The following SHANK2 variants were observed in gnomAD, a reference collection of about 807,000 sequenced individuals.
SHANK2 encodes the protein SH3 and multiple ankyrin repeat domains 2.
A neutral mutation model predicts 133.7 loss-of-function variants in SHANK2; 43 were observed. That is an observed-to-expected ratio of 0.32 (90% CI 0.25 to 0.41). The LOEUF (loss-of-function observed/expected upper bound fraction) is 0.41. Among genes scored for constraint, SHANK2 ranks in the 10% least tolerant of loss-of-function variants. The pLI is 1.00. For synonymous variants in SHANK2, 1,017 were observed against 952.8 expected (o/e 1.07, Z -1.24); for missense variants, 1,994 against 2,235.8 (o/e 0.89, Z 2.18).
At chr11:70,942,974 G>C in intron 10 of SHANK2, 1 of 448,882 alleles carries the variant, frequency 2.2e-6, no homozygotes, top group African/African-American at 2.0e-5. Flanking sequence ...TTAAAGTTTA[G>C]CTTGGGAGAC....
At chr11:70,857,662 G>C (rs998398680) in intron 11 of SHANK2, among the ~76,000 whole-genome samples, 1 of 152,174 alleles carries the variant, frequency 6.6e-6, no homozygotes, top group African/African-American at 2.4e-5. Flanking sequence ...TAGTTGACGT[G>C]ATGGCCCACC....
chr11:70,524,613 C>G (rs1443175962), intron 17 of SHANK2, among the ~76,000 whole-genome samples: 7 of 152,238 alleles, frequency 4.6e-5, no homozygotes, highest in African/African-American at 1.7e-4. Context: ...TGCCGGGGCC[C>G]TCAGAGATCC....
chr11:71,118,767 AC>A, intron 4 of SHANK2, 61 bp downstream of exon 4: 2 of 1,388,122 alleles, frequency 1.4e-6, no homozygotes, highest in Non-Finnish European at 1.9e-6. Flanking sequence ...TGTCTCCCCC[AC>A]CCACCATGGC....
At chr11:70,832,792 C>G (rs1453385903) in intron 11 of SHANK2, among the ~76,000 whole-genome samples, 1 of 152,150 alleles carries the variant, frequency 6.6e-6, no homozygotes, top group African/African-American at 2.4e-5. Context: ...GCCACAGCCA[C>G]GCTACCAGCT....
intron 17 of SHANK2, among the ~76,000 whole-genome samples, chr11:70,651,594 A>G (rs1555010135): frequency 6.6e-6 from 1 of 152,218 alleles, no homozygotes; most frequent in Non-Finnish European, 1.5e-5. Flanking sequence ...TTAGCCTTAG[A>G]GAGTAAAGGC....
chr11:70,719,704 G>A (rs1229227513), intron 14 of SHANK2, among the ~76,000 whole-genome samples: 4 of 151,702 alleles, frequency 2.6e-5, no homozygotes, highest in African/African-American at 9.7e-5. Flanking sequence ...CAGAAGCTGC[G>A]GAGACAGGAG....
At chr11:70,542,702 T>C (rs1442580147) in intron 17 of SHANK2, among the ~76,000 whole-genome samples, 1 of 152,174 alleles carries the variant, frequency 6.6e-6, no homozygotes, top group Non-Finnish European at 1.5e-5. Flanking sequence ...TCAGAAGTCA[T>C]GTGGGCCTGA....
intron 10 of SHANK2, among the ~76,000 whole-genome samples, chr11:70,908,628 T>C (rs1271038789): frequency 6.6e-6 from 1 of 152,160 alleles, no homozygotes; most frequent in Non-Finnish European, 1.5e-5. Context: ...CACAGCAACC[T>C]GGGATTCGGA....
intron 11 of SHANK2, among the ~76,000 whole-genome samples, chr11:70,842,685 G>A (rs149756825): frequency 7.2e-5 from 11 of 152,288 alleles, no homozygotes; most frequent in African/African-American, 1.7e-4. Context: ...TGGGATTCTC[G>A]TGCAGCTTAA....
chr11:71,135,021 G>A (rs377766096), intron 3 of SHANK2, among the ~76,000 whole-genome samples: 19 of 152,012 alleles, frequency 1.2e-4, no homozygotes, highest in African/African-American at 2.7e-4. Flanking sequence ...GACGCCCACC[G>A]CCCACCTCTG....
At chr11:70,598,593 G>A (rs1322463416) in intron 17 of SHANK2, among the ~76,000 whole-genome samples, 2 of 152,144 alleles carry the variant, frequency 1.3e-5, no homozygotes, top group African/African-American at 2.4e-5. Context: ...GCTTGACTCC[G>A]GTTGGAAAAG....
chr11:70,721,034 TC>T (rs200136692), intron 14 of SHANK2, among the ~76,000 whole-genome samples: 2,340 of 152,324 alleles, frequency 0.015, 59 homozygotes, highest in Middle Eastern at 0.031. Context: ...AGCCCGGGCT[TC>T]CGTGTGCCAG....
chr11:70,846,052 T>A (rs937164792), intron 11 of SHANK2, among the ~76,000 whole-genome samples: 1 of 152,016 alleles, frequency 6.6e-6, no homozygotes, highest in African/African-American at 2.4e-5. Flanking sequence ...AGACCTGAAC[T>A]GGGTCCCTGG....
chr11:71,086,500 A>G (rs1056647604), intron 8 of SHANK2, among the ~76,000 whole-genome samples: 61 of 141,810 alleles, frequency 4.3e-4, no homozygotes, highest in African/African-American at 1.5e-3. Flanking sequence ...TATGTAATAC[A>G]TAATTTATTA....
chr11:70,733,098 G>A (rs1946324379), intron 14 of SHANK2, among the ~76,000 whole-genome samples: 1 of 152,180 alleles, frequency 6.6e-6, no homozygotes, highest in South Asian at 2.1e-4. Context: ...GAGTGGGATC[G>A]TCCGCGACAG....
intron 12 of SHANK2, among the ~76,000 whole-genome samples, chr11:70,815,190 A>G (rs1555054024): frequency 2.7e-5 from 2 of 73,888 alleles, no homozygotes; most frequent in African/African-American, 1.7e-4. Context: ...ACACACACAC[A>G]CACACACACA....
intron 11 of SHANK2, among the ~76,000 whole-genome samples, chr11:70,848,184 T>G (rs1417919020): frequency 6.6e-6 from 1 of 152,250 alleles, no homozygotes; most frequent in Non-Finnish European, 1.5e-5. Flanking sequence ...ATCTTATCAC[T>G]GCTGCCTAAA....
At chr11:70,789,828 C>T (rs560755207) in intron 14 of SHANK2, among the ~76,000 whole-genome samples, 18 of 152,172 alleles carry the variant, frequency 1.2e-4, no homozygotes, top group Admixed American at 8.5e-4. Context: ...GGATGTACAG[C>T]GGTGACTCAT....
intron 14 of SHANK2, among the ~76,000 whole-genome samples, chr11:70,778,997 C>G (rs1235446131): frequency 1.3e-5 from 2 of 152,006 alleles, no homozygotes; most frequent in Admixed American, 6.6e-5. Flanking sequence ...GGTTGGTACC[C>G]AGCATTACCA....
Sources: gnomAD v4.1 joint callset for allele counts (sites outside exome capture counted in the v4.1 genomes callset) on GRCh38, gnomAD v4.1.1 for gene constraint, MANE v1.5 for transcripts, NCBI Gene and HGNC (gene_info 2026-07-23, HGNC 2026-07-21) for gene names.